The following ZNF516 variants were observed in gnomAD, a reference collection of about 807,000 sequenced individuals.
The protein encoded by ZNF516 is zinc finger protein 516.
ZNF516 carries 19 observed loss-of-function variants against 79.7 expected under a neutral mutation model. The ratio of observed to expected loss-of-function variants is 0.24; its 90% confidence interval spans 0.17 to 0.35. ZNF516 has a LOEUF of 0.35. Among genes scored for constraint, ZNF516 ranks in the 10% least tolerant of loss-of-function variants. ZNF516 has a pLI of 1.00. For missense variants in ZNF516, 1,678 were observed against 1,679.5 expected, an observed-to-expected ratio of 1.00 and a Z score of 0.02; for synonymous variants, 877 against 739.5, an observed-to-expected ratio of 1.19 and a Z score of -3.02.
intron 1 of ZNF516, among the ~76,000 whole-genome samples, chr18:76,473,897 T>TG (rs1387545213): frequency 2.7e-3 from 15 of 5,538 alleles, no homozygotes; most frequent in Non-Finnish European, 9.9e-3. Flanking sequence ...GTTGGTTGTT[T>TG]TTGTGTGGGG....
chr18:76,464,227 TG>T (rs1913306018), intron 1 of ZNF516, among the ~76,000 whole-genome samples: 2 of 152,108 alleles, frequency 1.3e-5, no homozygotes, highest in Non-Finnish European at 2.9e-5. Flanking sequence ...ATTAAAAACG[TG>T]GCACGTGGTG....
At chr18:76,380,329 G>C in intron 3 of ZNF516, 26 bp from the exon 4 acceptor site, 1 of 1,604,188 alleles carries the variant, frequency 6.2e-7, no homozygotes, top group Non-Finnish European at 8.5e-7. Flanking sequence ...TATGAAACGG[G>C]AAGTTACCAT....
chr18:76,362,452 T>C lies in ZNF516; in HGVS notation c.*46A>G. 1.3e-6 allele frequency: 2 copies of C among 1,595,728 alleles called. No individual in the cohort carries two copies. The highest frequency in any genetic ancestry group is 1.7e-6 in the Non-Finnish European group (2 of 1,166,198). On this transcript the variant is annotated 3_prime_UTR_variant, in exon 7 of 7. Transcript: ENST00000443185. ...GGCTGCTGGGACATCGTGAGGGTAC[T>C]GCTAATGGCCGTTACGGGGACCTGG...
chr18:76,412,388 A>G (rs1250854150), intron 3 of ZNF516, among the ~76,000 whole-genome samples: 1 of 152,166 alleles, frequency 6.6e-6, no homozygotes. Context: ...CTCCAGCCCA[A>G]GGCTCTCCTC....
intron 3 of ZNF516, among the ~76,000 whole-genome samples, chr18:76,439,266 G>A (rs922160375): frequency 3.5e-4 from 54 of 152,318 alleles, no homozygotes; most frequent in African/African-American, 1.2e-3. Context: ...ATTAAAGGCA[G>A]CTGTTGTGAG....
chr18:76,422,507 G>A (rs1182185869), intron 3 of ZNF516, among the ~76,000 whole-genome samples: 1 of 152,142 alleles, frequency 6.6e-6, no homozygotes, highest in Non-Finnish European at 1.5e-5. Flanking sequence ...GAATTAAATC[G>A]ACTAATTATG....
chr18:76,487,607 G>A (rs1489087907), intron 1 of ZNF516, among the ~76,000 whole-genome samples: 1 of 152,064 alleles, frequency 6.6e-6, no homozygotes, highest in Non-Finnish European at 1.5e-5. Flanking sequence ...GTAAACATTT[G>A]ACATGATTCT....
At chr18:76,426,943 C>A (rs995640492) in intron 3 of ZNF516, among the ~76,000 whole-genome samples, 4 of 152,184 alleles carry the variant, frequency 2.6e-5, no homozygotes, top group African/African-American at 9.7e-5. Flanking sequence ...GGAACCGAGG[C>A]GGGGTCCTTT....
Position 76,442,667 on chromosome 18 carries a change from C to G in ZNF516, c.388G>C (p.Gly130Arg), listed in dbSNP as rs754354368. Reference sequence around the variant, plus strand: ...CTGGCGCCGTCGGCCTGCGAGGCCCCGTTCAGCAGCCGGTTGCAGGCCGAG... The same window carrying G: ...CTGGCGCCGTCGGCCTGCGAGGCCCGGTTCAGCAGCCGGTTGCAGGCCGAG... Reference protein sequence around the residue: ...SASACNRLLNGASQADGARVL... With the variant: ...SASACNRLLNRASQADGARVL... Residue 130 changes from glycine (G) to arginine (R), a missense_variant, in exon 3 of 7, where the codon GGG becomes CGG. Gly to Arg is a moderately radical substitution (Grantham distance 125). Coordinates refer to ENST00000443185, the MANE Select transcript of ZNF516 (RefSeq NM_014643.4). 1.3e-4 allele frequency: 211 copies of G among 1,584,562 alleles called. No individual in the cohort carries two copies. Among genetic ancestry groups the G allele is most frequent in the South Asian group, 1.6e-4 (14 of 89,030 alleles).
In ZNF516 at chr18:76,442,152, C is replaced by T; in HGVS notation, c.903G>A (p.Lys301=). 6.2e-7 allele frequency: 1 copy of T among 1,613,990 alleles called. No homozygotes were observed. Among genetic ancestry groups the T allele is most frequent in the Non-Finnish European group, 8.5e-7 (1 of 1,179,888 alleles). ...TCTTGGGCCTGTTCTTGCTGCCCGTCTTGGGGCCGTGCGCCTTCATGTGGT... is the reference window on the plus strand; with the variant it reads ...TCTTGGGCCTGTTCTTGCTGCCCGTTTTGGGGCCGTGCGCCTTCATGTGGT... ...LKNHMKAHGP[K]TGSKNRPKSE... Residue 301 remains lysine (K), a synonymous_variant, in exon 3 of 7, where the codon AAG becomes AAA. Transcript: ENST00000443185.
intron 3 of ZNF516, among the ~76,000 whole-genome samples, chr18:76,413,644 T>C (rs1387942205): frequency 2.6e-5 from 4 of 152,166 alleles, no homozygotes; most frequent in African/African-American, 9.7e-5. Context: ...CCCCCAAATA[T>C]CTGGGCTGCC....
rs752191224 is a variant in ZNF516 at position 76,370,545 on chromosome 18, C to A, written c.3415G>T (p.Ala1139Ser). The change falls in exon 6 of 7, where the codon GCA (alanine) becomes TCA (serine). Residue 1139 changes from alanine (A) to serine (S), a missense_variant. By Grantham distance (99) the Ala-to-Ser change is moderately conservative. Transcript: ENST00000443185. ...AGACCTACTTGTTTGGGGGCGTCTG[C>A]GGAGGTGGTATGAACTTCAGAACCC... ...PRGSEVHTTS[A>S]DAPKQGRDHS... 1.9e-6 allele frequency: 3 copies of A among 1,607,848 alleles called. No homozygotes were observed. Among genetic ancestry groups the A allele is most frequent in the South Asian group, 1.1e-5 (1 of 89,660 alleles).
At chr18:76,437,375 G>A (rs898129507) in intron 3 of ZNF516, among the ~76,000 whole-genome samples, 6 of 152,138 alleles carry the variant, frequency 3.9e-5, no homozygotes, top group Admixed American at 6.5e-5. Flanking sequence ...GCGAGGGGAC[G>A]GGAAACGTGA....
intron 3 of ZNF516, among the ~76,000 whole-genome samples, chr18:76,434,521 G>A (rs1350070920): frequency 6.6e-6 from 1 of 152,222 alleles, no homozygotes; most frequent in Admixed American, 6.5e-5. Flanking sequence ...TTCTCTTTCA[G>A]TGAACATCAC....
At chr18:76,469,424 A>G (rs1913694665) in intron 1 of ZNF516, among the ~76,000 whole-genome samples, 1 of 152,244 alleles carries the variant, frequency 6.6e-6, no homozygotes, top group Non-Finnish European at 1.5e-5. Context: ...GAAGGCACTC[A>G]TGATTTTAGG....
intron 1 of ZNF516, among the ~76,000 whole-genome samples, chr18:76,470,031 C>A (rs1913734971): frequency 6.6e-6 from 1 of 152,162 alleles, no homozygotes; most frequent in Non-Finnish European, 1.5e-5. Context: ...GAAATATGTT[C>A]ATCTTTAAAT....
intron 3 of ZNF516, among the ~76,000 whole-genome samples, chr18:76,382,724 A>C (rs1427440363): frequency 6.6e-6 from 1 of 152,244 alleles, no homozygotes; most frequent in African/African-American, 2.4e-5. Context: ...CAGCCTGGCC[A>C]ACATGGCAAA....
intron 3 of ZNF516, chr18:76,387,472 T>A (rs2075011009): frequency 6.6e-6 from 1 of 152,228 alleles, no homozygotes; most frequent in East Asian, 1.9e-4. Context: ...CAATTCTGTG[T>A]GTCGTGGTAG....
In ZNF516 at chr18:76,459,382, C is replaced by A. The variant is rs1457104396; in HGVS notation, c.-158+3646G>T. 6.6e-6 allele frequency among the ~76,000 whole-genome samples: 1 copy of A among 152,216 alleles called. No homozygotes were observed. Among genetic ancestry groups the A allele is most frequent in the Non-Finnish European group, 1.5e-5 (1 of 68,032 alleles). On this transcript the variant is annotated intron_variant, in intron 2 of 6. Transcript: ENST00000443185. The surrounding 1 kb of genome is among the most constrained non-coding windows in gnomAD (Gnocchi z 5.0). ...GAGCCCTCCCACAGGCACCCAAGCT[C>A]TCTGAGGACAGCCGTCCTAGCTTCC...
Sources: allele counts gnomAD v4.1 joint callset (sites outside exome capture counted in the v4.1 genomes callset), GRCh38; gene constraint gnomAD v4.1.1; non-coding constraint Gnocchi (gnomAD v3.1); transcripts MANE v1.5; gene names NCBI Gene and HGNC (gene_info 2026-07-23, HGNC 2026-07-21).